The following KCNB2 variants were observed in gnomAD, a reference collection of about 807,000 sequenced individuals.
KCNB2 encodes the protein delayed rectifier potassium channel protein.
In KCNB2, 15 loss-of-function variants were observed where a neutral mutation model predicts 61.5. The observed-to-expected ratio is 0.24, with a 90% CI of 0.16 to 0.38. The LOEUF is 0.38. Among genes scored for constraint, KCNB2 ranks in the 10% least tolerant of loss-of-function variants. KCNB2 has a pLI of 1.00. For synonymous variants in KCNB2, 457 were observed against 446.0 expected (o/e 1.02, Z -0.31); for missense variants, 828 against 1,125.2 (o/e 0.74, Z 3.78).
chr8:72,655,324 T>C (rs1308111237), intron 2 of KCNB2, among the ~76,000 whole-genome samples: 2 of 151,956 alleles, frequency 1.3e-5, no homozygotes, highest in African/African-American at 2.4e-5. Context: ...AGGATGAAGA[T>C]TGAAAAACTA....
chr8:72,936,258 G>A lies in KCNB2; in HGVS notation c.903G>A (p.Gln301=). The A allele has an allele frequency of 6.2e-7, 1 of 1,614,248 alleles. No individual in the cohort carries two copies. Among genetic ancestry groups the A allele is most frequent in the South Asian group, 1.1e-5 (1 of 91,088 alleles). The change falls in exon 3 of 3, where the codon CAG becomes CAA. Residue 301 remains glutamine, a synonymous_variant. Coordinates refer to ENST00000523207, the MANE Select transcript of KCNB2 (RefSeq NM_004770.3). This position sits in a 1 kb window ranked among gnomAD's most constrained non-coding sequence, Gnocchi z 5.6. ...LQFQNVRRVV[Q]IFRIMRILRI... is the part of the protein sequence containing the mutation. ...TCCAAAACGTGAGGCGCGTGGTCCAGATCTTCCGAATCATGCGCATCCTCA... is the reference window on the plus strand; with the variant it reads ...TCCAAAACGTGAGGCGCGTGGTCCAAATCTTCCGAATCATGCGCATCCTCA...
intron 1 of KCNB2, 146 bp from the exon 2 acceptor site, chr8:72,567,496 A>C (rs1220147499): frequency 3.3e-5 from 14 of 428,842 alleles, no homozygotes; most frequent in Non-Finnish European, 2.0e-5. Context: ...ACATATCTCC[A>C]AAAGTATGTA....
chr8:72,687,318 C>T (rs570257226), intron 2 of KCNB2, among the ~76,000 whole-genome samples: 63 of 152,174 alleles, frequency 4.1e-4, no homozygotes, highest in Admixed American at 1.7e-3. Context: ...TTGTCATCAC[C>T]CAATGGAAAT....
intron 1 of KCNB2, among the ~76,000 whole-genome samples, chr8:72,556,479 G>A (rs928869467): frequency 6.6e-6 from 1 of 152,062 alleles, no homozygotes; most frequent in Non-Finnish European, 1.5e-5. Flanking sequence ...TGATAAGGAT[G>A]GATGGAAAAC....
chr8:72,651,281 G>A (rs1235895851), intron 2 of KCNB2, among the ~76,000 whole-genome samples: 1 of 152,068 alleles, frequency 6.6e-6, no homozygotes, highest in African/African-American at 2.4e-5. Context: ...GTTGATTAAA[G>A]TCATTATTTC....
chr8:72,841,640 G>T (rs990003050), intron 2 of KCNB2, among the ~76,000 whole-genome samples: 11 of 152,164 alleles, frequency 7.2e-5, no homozygotes, highest in Admixed American at 4.6e-4. Context: ...CCTTGAAGAG[G>T]TCCTTCACAT....
chr8:72,792,723 T>A (rs1332005238), intron 2 of KCNB2, among the ~76,000 whole-genome samples: 3 of 152,226 alleles, frequency 2.0e-5, no homozygotes, highest in Admixed American at 2.0e-4. Context: ...ACCACTGACG[T>A]CCACAATCTG....
chr8:72,555,644 T>C (rs1322537888), intron 1 of KCNB2, among the ~76,000 whole-genome samples: 1 of 120,162 alleles, frequency 8.3e-6, no homozygotes, highest in African/African-American at 2.6e-5. Flanking sequence ...TAAAGAAGAA[T>C]TTTTTTTTTG....
At chr8:72,806,355 G>GAAAAAAA (rs113106261) in intron 2 of KCNB2, among the ~76,000 whole-genome samples, 1 of 97,410 alleles carries the variant, frequency 1.0e-5, no homozygotes. Context: ...GAGACTCTAA[G>GAAAAAAA]AAAAAAAAAA....
intron 2 of KCNB2, among the ~76,000 whole-genome samples, chr8:72,828,314 G>T (rs1809632431): frequency 6.6e-6 from 1 of 152,080 alleles, no homozygotes; most frequent in South Asian, 2.1e-4. Context: ...TGAGTGCTTG[G>T]ATTGTTAAAG....
chr8:72,902,165 G>A (rs932655562), intron 2 of KCNB2, among the ~76,000 whole-genome samples: 1 of 152,142 alleles, frequency 6.6e-6, no homozygotes, highest in Non-Finnish European at 1.5e-5. Flanking sequence ...TCTATGGCAA[G>A]GTGGGGGTGG....
intron 2 of KCNB2, among the ~76,000 whole-genome samples, chr8:72,717,995 TG>T (rs1164595211): frequency 4.0e-5 from 6 of 151,384 alleles, no homozygotes; most frequent in Admixed American, 6.6e-5. Flanking sequence ...CATCAAAAAG[TG>T]GGCAAAGGAT....
intron 2 of KCNB2, among the ~76,000 whole-genome samples, chr8:72,639,211 T>C (rs765142746): frequency 6.6e-6 from 1 of 152,128 alleles, no homozygotes; most frequent in Non-Finnish European, 1.5e-5. Flanking sequence ...AGCTTGATCT[T>C]TGTTGCATCT....
chr8:72,794,660 A>G (rs1357762418), intron 2 of KCNB2, among the ~76,000 whole-genome samples: 2 of 152,128 alleles, frequency 1.3e-5, no homozygotes, highest in Non-Finnish European at 2.9e-5. Context: ...AGGTGACTAA[A>G]ATATACATAT....
intron 2 of KCNB2, among the ~76,000 whole-genome samples, chr8:72,620,237 A>G (rs1048713214): frequency 2.0e-5 from 3 of 152,252 alleles, no homozygotes; most frequent in South Asian, 4.1e-4. Context: ...AATGTTGCCA[A>G]GGAAGACAGA....
chr8:72,693,972 A>C (rs1245695601), intron 2 of KCNB2, among the ~76,000 whole-genome samples: 1 of 152,232 alleles, frequency 6.6e-6, no homozygotes, highest in Non-Finnish European at 1.5e-5. Context: ...ACGATTCCAA[A>C]TATAATATAG....
intron 1 of KCNB2, among the ~76,000 whole-genome samples, chr8:72,561,157 C>G (rs1486613450): frequency 6.6e-6 from 1 of 150,850 alleles, no homozygotes; most frequent in Non-Finnish European, 1.5e-5. Context: ...GATAAAAGTT[C>G]TAATTTTTTT....
At chr8:72,725,589 A>ATATG (rs1807631123) in intron 2 of KCNB2, among the ~76,000 whole-genome samples, 1 of 64,306 alleles carries the variant, frequency 1.6e-5, no homozygotes, top group African/African-American at 8.7e-5. Flanking sequence ...ATATATATGT[A>ATATG]TGTATATATA....
At chr8:72,615,356 A>G (rs763647772) in intron 2 of KCNB2, among the ~76,000 whole-genome samples, 1 of 152,164 alleles carries the variant, frequency 6.6e-6, no homozygotes, top group Non-Finnish European at 1.5e-5. Flanking sequence ...CTGAAATCAC[A>G]CACTGAGGGG....
Sources: allele counts gnomAD v4.1 joint callset (sites outside exome capture counted in the v4.1 genomes callset), GRCh38; gene constraint gnomAD v4.1.1; non-coding constraint Gnocchi (gnomAD v3.1); transcripts MANE v1.5; gene names NCBI Gene and HGNC (gene_info 2026-07-23, HGNC 2026-07-21).